RMC1: variants seen among roughly 807,000 people sequenced by gnomAD.
RMC1 encodes the protein regulator of MON1-CCZ1 complex.
A neutral mutation model predicts 95.5 loss-of-function variants in RMC1; 44 were observed. The ratio of observed to expected loss-of-function variants is 0.46; its 90% confidence interval spans 0.36 to 0.59. The LOEUF (loss-of-function observed/expected upper bound fraction) is 0.59. RMC1 is among the 20% of genes least tolerant of loss of function. The pLI is 0.00. For missense variants in RMC1, 705 were observed against 819.6 expected (o/e 0.86, Z 1.71); for synonymous variants, 320 against 303.6 (o/e 1.05, Z -0.56).
chr18:23,527,086 A>G (rs1458948449), intron 13 of RMC1, among the ~76,000 whole-genome samples: 2 of 152,070 alleles, frequency 1.3e-5, no homozygotes, highest in Admixed American at 6.5e-5. Flanking sequence ...TGTCTTCTTT[A>G]AGAATCCCCT....
At chr18:23,529,376 G>A in intron 15 of RMC1, 78 bp downstream of exon 15, 1 of 1,527,914 alleles carries the variant, frequency 6.5e-7, no homozygotes, top group Non-Finnish European at 8.7e-7. Flanking sequence ...GAGACTTCAT[G>A]TGATTAGAGT....
chr18:23,503,640 C>G lies in RMC1; in HGVS notation c.22C>G (p.Leu8Val), dbSNP rs143953070. 1.6e-4 allele frequency: 257 copies of G among 1,588,106 alleles called. 2 individuals are homozygous for G. The African/African-American group carries it at 2.9e-3, about 18-fold the overall frequency. The change falls in exon 1 of 20, where the codon CTG becomes GTG. Residue 8 changes from leucine (L) to valine (V), a missense_variant. Coordinates refer to ENST00000269221, the MANE Select transcript of RMC1 (RefSeq NM_013326.5). ...CGCCATGGGCGAGGAGGACTACTATCTGGAGCTGTGCGAGCGGCCGGTGCA... is the reference window on the plus strand; with the variant it reads ...CGCCATGGGCGAGGAGGACTACTATGTGGAGCTGTGCGAGCGGCCGGTGCA... MGEEDYY[L>V]ELCERPVQFE... is the part of the protein sequence containing the mutation.
At chr18:23,517,464 T>C (rs1390122135) in intron 7 of RMC1, among the ~76,000 whole-genome samples, 1 of 152,104 alleles carries the variant, frequency 6.6e-6, no homozygotes, top group East Asian at 1.9e-4. Context: ...AGGTATATTT[T>C]CATTTGAAAA....
At position 23,530,347 on chromosome 18, in the gene RMC1, G is replaced by A. The variant is rs1228416850; in HGVS notation, c.1669-40G>A. ...GACTATGGAAACTAACTCTGTTCCT[G>A]TTGTTTGCACTGACCTGGACTTCTC... is the stretch of plus-strand genomic sequence containing the variant. On this transcript the variant is annotated intron_variant, in intron 18 of 19. Coordinates refer to ENST00000269221, the MANE Select transcript of RMC1 (RefSeq NM_013326.5). 2.5e-6 allele frequency: 4 copies of A among 1,613,840 alleles called. No homozygotes were observed. The South Asian group carries it at 4.4e-5, about 18-fold the overall frequency.
intron 6 of RMC1, 49 bp from the exon 7 acceptor site, chr18:23,516,271 A>G: frequency 6.3e-7 from 1 of 1,579,996 alleles, no homozygotes; most frequent in East Asian, 2.2e-5. Flanking sequence ...ATGATGAAAC[A>G]TTGAAGGGGT....
In RMC1 at chr18:23,524,253, C is replaced by T. The variant is rs1390495276; in HGVS notation, c.1006+79C>T. The stretch of plus-strand genomic sequence containing the variant: ...AGAGAGTGGTCCTGAAGTCCTCCTC[C>T]GGGCAGCTGTGAATAACACTCCGAG... On this transcript the variant is annotated intron_variant, in intron 11 of 19. Coordinates refer to ENST00000269221, the MANE Select transcript of RMC1 (RefSeq NM_013326.5). 1.4e-5 allele frequency: 22 copies of T among 1,564,730 alleles called. 1 individual carries two copies. In the Middle Eastern group the frequency reaches 1.0e-3, roughly 72 times the overall value.
intron 5 of RMC1, among the ~76,000 whole-genome samples, chr18:23,510,427 C>T (rs1029931589): frequency 6.6e-6 from 1 of 151,986 alleles, no homozygotes; most frequent in Non-Finnish European, 1.5e-5. Flanking sequence ...GTGGGCAGAT[C>T]ACCTGAGGTC....
intron 1 of RMC1, 31 bp downstream of exon 1, chr18:23,503,751 C>T (rs1397656480): frequency 6.4e-7 from 1 of 1,568,894 alleles, no homozygotes; most frequent in South Asian, 1.1e-5. Context: ...CTCCCCCGCG[C>T]GGCCCTGCCG....
At chr18:23,514,760 A>G (rs1459975419) in intron 5 of RMC1, among the ~76,000 whole-genome samples, 2 of 152,078 alleles carry the variant, frequency 1.3e-5, no homozygotes, top group Non-Finnish European at 2.9e-5. Flanking sequence ...GGTTACCTAG[A>G]TGGCTTCAGA....
At chr18:23,507,142 A>C in intron 3 of RMC1, 88 bp downstream of exon 3, 1 of 886,088 alleles carries the variant, frequency 1.1e-6, no homozygotes, top group East Asian at 2.6e-5. Flanking sequence ...TGTTAAAGGA[A>C]ACTTTTATTA....
At chr18:23,504,895 G>A (rs751673173) in intron 2 of RMC1, among the ~76,000 whole-genome samples, 2 of 152,180 alleles carry the variant, frequency 1.3e-5, no homozygotes, top group African/African-American at 2.4e-5. Flanking sequence ...CTGTTGAACA[G>A]GTTTAATGAT....
At chr18:23,508,357 G>A (rs1160721379) in intron 4 of RMC1, among the ~76,000 whole-genome samples, 2 of 152,150 alleles carry the variant, frequency 1.3e-5, no homozygotes, top group Admixed American at 6.5e-5. Flanking sequence ...ATCTGGGTCT[G>A]GGCCCTGGGA....
chr18:23,507,118 T>C (rs2057735285), intron 3 of RMC1, 64 bp downstream of exon 3: 1 of 1,145,676 alleles, frequency 8.7e-7, no homozygotes, highest in Non-Finnish European at 1.3e-6. Flanking sequence ...AGAGAAGGAA[T>C]CGCAAATTTT....
At chr18:23,520,073 G>A (rs551978892) in intron 9 of RMC1, 129 bp from the exon 10 acceptor site, 108 of 664,262 alleles carry the variant, frequency 1.6e-4, no homozygotes, top group Non-Finnish European at 2.5e-4. Flanking sequence ...TCAAGTAAGA[G>A]CTAGCCTGTA....
chr18:23,520,340 G>T (rs748734857), intron 10 of RMC1, 27 bp downstream of exon 10: 1 of 1,554,366 alleles, frequency 6.4e-7, no homozygotes, highest in East Asian at 2.3e-5. Flanking sequence ...AGAGGAGTCT[G>T]TGCTGCCCTT....
chr18:23,529,287 G>C lies in RMC1; in HGVS notation c.1405G>C (p.Val469Leu), dbSNP rs144103523. ...GTACACCCATGTCCTGTCAGCCTTT[G>C]TGGAAAAGAAGGTGGGCTGCAGCTT... ...DVYTHVLSAFVEKKEMPHKFV... is the reference protein window; with the variant it reads ...DVYTHVLSAFLEKKEMPHKFV... Residue 469 changes from valine (V) to leucine (L), a missense_variant, in exon 15 of 20, where the codon GTG becomes CTG. By Grantham distance (32) the Val-to-Leu change is conservative (BLOSUM62 1). Transcript: ENST00000269221. 9.9e-6 allele frequency: 16 copies of C among 1,610,460 alleles called. No individual in the cohort carries two copies. In the African/African-American group the frequency reaches 2.1e-4, roughly 22 times the overall value.
intron 16 of RMC1, 96 bp downstream of exon 16, chr18:23,529,808 G>T: frequency 7.9e-7 from 1 of 1,266,238 alleles, no homozygotes. Flanking sequence ...GCTAAGACAG[G>T]TCTGCCTCCC....
Position 23,527,823 on chromosome 18 carries a change from G to A in RMC1, c.1218G>A (p.Leu406=), listed in dbSNP as rs1291511447. 1 of 1,613,992 alleles carries A rather than the reference G, an allele frequency of 6.2e-7. No homozygotes were observed. Among genetic ancestry groups the A allele is most frequent in the Non-Finnish European group, 8.5e-7 (1 of 1,180,032 alleles). ...QMLSESDRAS[L]PVIATVFDKL... ...TAAGTGAGTCAGACAGAGCATCGCT[G>A]CCCGTGATAGCCACTGTTTTTGATA... Residue 406 remains leucine (L), a synonymous_variant, in exon 14 of 20, where the codon CTG becomes CTA. Transcript: ENST00000269221.
chr18:23,524,420 A>C lies in RMC1; in HGVS notation c.1007-9A>C. 6.2e-7 allele frequency: 1 copy of C among 1,613,664 alleles called. No individual in the cohort carries two copies. Among genetic ancestry groups the C allele is most frequent in the Non-Finnish European group, 8.5e-7 (1 of 1,179,618 alleles). On this transcript the variant is annotated splice_polypyrimidine_tract_variant and intron_variant, in intron 11 of 19. Transcript: ENST00000269221. Reference sequence around the variant, plus strand: ...CTTTTCCTGGTTTAGAATTTCCTATAACATGTGGATTCTTCATCTTGGATT... The same window carrying C: ...CTTTTCCTGGTTTAGAATTTCCTATCACATGTGGATTCTTCATCTTGGATT...
Sources: allele counts gnomAD v4.1 joint callset (sites outside exome capture counted in the v4.1 genomes callset), GRCh38; gene constraint gnomAD v4.1.1; transcripts MANE v1.5; gene names NCBI Gene and HGNC (gene_info 2026-07-23, HGNC 2026-07-21).